Variants in LRBA observed in about 807,000 individuals in gnomAD.
LRBA encodes LPS responsive beige-like anchor protein.
In LRBA, 176 loss-of-function variants were observed where a neutral mutation model predicts 330.0. That is an observed-to-expected ratio of 0.53 (90% CI 0.47 to 0.60). The LOEUF is 0.60. Ranked by LOEUF, LRBA falls within the 20% of genes least tolerant of loss-of-function variation. LRBA has a pLI of 0.00. For missense variants in LRBA, 3,259 were observed against 3,444.8 expected (o/e 0.95, Z 1.35); for synonymous variants, 1,230 against 1,193.0 (o/e 1.03, Z -0.64).
At chr4:150,945,937 C>G (rs1332832797) in intron 2 of LRBA, among the ~76,000 whole-genome samples, 1 of 151,918 alleles carries the variant, frequency 6.6e-6, no homozygotes, top group Non-Finnish European at 1.5e-5. Context: ...GTAGCTGGGA[C>G]TACAGGTGTA....
At chr4:150,572,188 A>AC (rs2152285434) in intron 40 of LRBA, among the ~76,000 whole-genome samples, 1 of 152,268 alleles carries the variant, frequency 6.6e-6, no homozygotes, top group Non-Finnish European at 1.5e-5. Context: ...AGTACAATTC[A>AC]TCAAACTTTA....
intron 44 of LRBA, among the ~76,000 whole-genome samples, chr4:150,443,443 C>G (rs1019459218): frequency 6.6e-6 from 1 of 152,104 alleles, no homozygotes; most frequent in African/African-American, 2.4e-5. Flanking sequence ...GACTTGGAAC[C>G]AACCCAAATG....
intron 2 of LRBA, among the ~76,000 whole-genome samples, chr4:150,987,779 A>G (rs901664658): frequency 2.0e-5 from 3 of 151,992 alleles, no homozygotes; most frequent in African/African-American, 7.2e-5. Flanking sequence ...AGGCAGGCAG[A>G]TCACCTGAGG....
At chr4:150,292,306 C>A (rs1172461086) in intron 53 of LRBA, among the ~76,000 whole-genome samples, 1 of 152,122 alleles carries the variant, frequency 6.6e-6, no homozygotes, top group Non-Finnish European at 1.5e-5. Context: ...TATTTTCTGG[C>A]AAACTTGTAG....
chr4:150,377,970 CAAA>C (rs5862918), intron 47 of LRBA, among the ~76,000 whole-genome samples: 1 of 131,008 alleles, frequency 7.6e-6, no homozygotes, highest in Non-Finnish European at 1.6e-5. Context: ...GACTCTGTCT[CAAA>C]AAAAAAAAAA....
intron 37 of LRBA, among the ~76,000 whole-genome samples, chr4:150,648,377 G>A (rs995788865): frequency 1.3e-5 from 2 of 151,856 alleles, no homozygotes; most frequent in Non-Finnish European, 2.9e-5. Flanking sequence ...GCCGCAGAAA[G>A]TTCAAGATCT....
chr4:150,373,172 T>TGTGTGTGTGTGA lies in LRBA; in HGVS notation c.7195-23014_7195-23013insTCACACACACAC, dbSNP rs1283762385. Among the ~76,000 whole-genome samples the TGTGTGTGTGTGA allele has an allele frequency of 7.2e-5, 7 of 97,506 alleles. No homozygotes were observed. In the East Asian group the frequency reaches 8.5e-4, roughly 12 times the overall value. 64.0% of individuals were successfully genotyped at this position (97,506 alleles called of 152,430 possible). A position where few individuals can be genotyped will look rare whatever the true frequency, so the allele number is the denominator to read the frequency against. ...GTGTGTGTGTGTGTGTGTGTGTGTGTGAGAGAGAGAGAGAGAGAGAGAGAG... is the reference window on the plus strand; with the variant it reads ...GTGTGTGTGTGTGTGTGTGTGTGTGTGTGTGTGTGTGAGAGAGAGAGAGAGAGAGAGAGAGAG... On this transcript the variant is annotated intron_variant, in intron 47 of 56. Coordinates refer to ENST00000651943, the MANE Select transcript of LRBA (RefSeq NM_001364905.1).
chr4:150,785,158 T>C (rs1212278159), intron 34 of LRBA, among the ~76,000 whole-genome samples: 2 of 152,276 alleles, frequency 1.3e-5, no homozygotes, highest in South Asian at 2.1e-4. Flanking sequence ...GTGCTGATTG[T>C]TTGGATTGGG....
In LRBA at chr4:150,819,338, T is replaced by C. The variant is rs78846908; in HGVS notation, c.5172-2081A>G. 7.1e-4 allele frequency among the ~76,000 whole-genome samples: 108 copies of C among 151,932 alleles called. 3 individuals are homozygous for C. The East Asian group carries it at 0.019, about 27-fold the overall frequency. On this transcript the variant is annotated intron_variant, in intron 30 of 56. Coordinates refer to ENST00000651943, the MANE Select transcript of LRBA (RefSeq NM_001364905.1). ...ATGATATCATGATGGGGACTTAAGG[T>C]TACACAAGTGTATAAATTTGTCAAA...
Position 150,852,304 on chromosome 4 carries a change from G to C in LRBA, c.3406C>G (p.Pro1136Ala). The change falls in exon 23 of 57, where the codon CCA (proline) becomes GCA (alanine). Residue 1136 changes from proline to alanine, a missense_variant. Transcript: ENST00000651943. Reference sequence around the variant, plus strand: ...TTTTCACCGGCTTCAGATGCAGCTGGAGACAAACTGTTATCTTGGAGCTCT... The same window carrying C: ...TTTTCACCGGCTTCAGATGCAGCTGCAGACAAACTGTTATCTTGGAGCTCT... Reference protein sequence around the residue: ...PTELQDNSLSPAASEAGEKLD... With the variant: ...PTELQDNSLSAAASEAGEKLD... The C allele has an allele frequency of 6.2e-7, 1 of 1,614,026 alleles. No individual in the cohort carries two copies. The highest frequency in any genetic ancestry group is 8.5e-7 in the Non-Finnish European group (1 of 1,180,008).
At chr4:150,437,511 A>C (rs78202738) in intron 44 of LRBA, among the ~76,000 whole-genome samples, 7,866 of 141,088 alleles carry the variant, frequency 0.056, 294 homozygotes, top group Non-Finnish European at 0.076. Context: ...CTCTCTCTAT[A>C]TATATATATT....
chr4:150,836,616 G>C (rs1241180021), intron 28 of LRBA, among the ~76,000 whole-genome samples: 3 of 152,150 alleles, frequency 2.0e-5, no homozygotes, highest in African/African-American at 7.2e-5. Flanking sequence ...ATGGTAATTT[G>C]TATTTCTGTG....
At chr4:150,814,019 T>G (rs1300942287) in intron 31 of LRBA, among the ~76,000 whole-genome samples, 1 of 152,058 alleles carries the variant, frequency 6.6e-6, no homozygotes, top group East Asian at 1.9e-4. Context: ...CAGAGCCTAT[T>G]TTATAAGAAG....
rs77752873 is a variant in LRBA at position 150,695,286 on chromosome 4, T to C, written c.5755-11569A>G. ...CAAAAATAACAATCAGCTCTCTGTA[T>C]CCCCAGGTTCTACATCTACAGATTC... On this transcript the variant is annotated intron_variant, in intron 36 of 56. Coordinates refer to ENST00000651943, the MANE Select transcript of LRBA (RefSeq NM_001364905.1). 4.6e-3 allele frequency among the ~76,000 whole-genome samples: 697 copies of C among 152,278 alleles called. 6 individuals are homozygous for C. Among genetic ancestry groups the C allele is most frequent in the African/African-American group, 0.016 (666 of 41,544 alleles).
Position 150,850,804 on chromosome 4 carries a change from C to A in LRBA, c.3924G>T (p.Glu1308Asp), listed in dbSNP as rs199875859. 12 of 1,613,684 alleles carry A rather than the reference C, an allele frequency of 7.4e-6. No individual in the cohort carries two copies. Among genetic ancestry groups the A allele is most frequent in the Non-Finnish European group, 1.0e-5 (12 of 1,179,650 alleles). Residue 1308 changes from glutamate to aspartate, a missense_variant, in exon 24 of 57, where the codon GAG becomes GAT. Physicochemically the swap from Glu to Asp is conservative, Grantham distance 45. Coordinates refer to ENST00000651943, the MANE Select transcript of LRBA (RefSeq NM_001364905.1). ...GTTGATGCATCTGAGACCAGTTGAA[C>A]TCAGGAATACGAAACACAGTAGATC... The part of the protein sequence containing the change: ...DSRSTVFRIP[E>D]FNWSQMHQRL...
intron 32 of LRBA, 41 bp downstream of exon 32, chr4:150,808,279 A>G (rs1435797307): frequency 2.3e-6 from 3 of 1,298,586 alleles, no homozygotes; most frequent in Non-Finnish European, 3.3e-6. Context: ...AAAGTCATCA[A>G]AAGGTATAAA....
Position 150,850,893 on chromosome 4 carries a change from G to C in LRBA, c.3835C>G (p.Gln1279Glu), listed in dbSNP as rs201150130. ...PHRHVLEISRQHEQPGQGIAP... is the reference protein window; with the variant it reads ...PHRHVLEISREHEQPGQGIAP... Reference sequence around the variant, plus strand: ...ATTCCTTGCCCTGGCTGCTCATGTTGCCTTGATATCTAATACAGAAATTTA... The same window carrying C: ...ATTCCTTGCCCTGGCTGCTCATGTTCCCTTGATATCTAATACAGAAATTTA... The change falls in exon 24 of 57, where the codon CAA becomes GAA. Residue 1279 changes from glutamine to glutamate, a missense_variant. Physicochemically the swap from Gln to Glu is conservative, Grantham distance 29 (BLOSUM62 2). Transcript: ENST00000651943. 3 of 1,606,486 alleles carry C rather than the reference G, an allele frequency of 1.9e-6. No individual in the cohort carries two copies. Among genetic ancestry groups the C allele is most frequent in the Non-Finnish European group, 2.5e-6 (3 of 1,177,386 alleles).
chr4:150,543,909 T>G (rs1228194506), intron 40 of LRBA, among the ~76,000 whole-genome samples: 1 of 152,118 alleles, frequency 6.6e-6, no homozygotes, highest in Non-Finnish European at 1.5e-5. Context: ...TGACCTAAAG[T>G]TATGAAAGCT....
In LRBA at chr4:150,905,959, A is replaced by C. The variant is rs774083881; in HGVS notation, c.1634T>G (p.Leu545Arg). The C allele has an allele frequency of 6.2e-7, 1 of 1,613,654 alleles. No homozygotes were observed. The highest frequency in any genetic ancestry group is 1.3e-5 in the African/African-American group (1 of 74,930). ...TTTTGAAAATGCAAGGCAAAGTTCA[A>C]GTACTGCTCTGCTAACATGAGATTT... ...SSKSHVSRAV[L>R]ELCLAFSKYL... The change falls in exon 13 of 57, where the codon CTT becomes CGT. Residue 545 changes from leucine (L) to arginine (R), a missense_variant. Leu to Arg is a moderately radical substitution (Grantham distance 102). Transcript: ENST00000651943.
Sources: allele counts gnomAD v4.1 joint callset (sites outside exome capture counted in the v4.1 genomes callset), GRCh38; gene constraint gnomAD v4.1.1; transcripts MANE v1.5; gene names NCBI Gene and HGNC (gene_info 2026-07-23, HGNC 2026-07-21).